The following PRKN variants were observed in gnomAD, a reference collection of about 807,000 sequenced individuals.
PRKN encodes the protein E3 ubiquitin-protein ligase parkin.
A neutral mutation model predicts 59.5 loss-of-function variants in PRKN; 56 were observed. The observed-to-expected ratio is 0.94, with a 90% CI of 0.76 to 1.18. The LOEUF is 1.18. Ranked by LOEUF, PRKN falls within the 50% of genes most tolerant of loss-of-function variation. PRKN has a pLI of 0.00. For synonymous variants in PRKN, 250 were observed against 222.1 expected, an observed-to-expected ratio of 1.13 and a Z score of -1.12; for missense variants, 657 against 596.4, an observed-to-expected ratio of 1.10 and a Z score of -1.06.
rs1554243398 is a variant in PRKN at position 162,556,362 on chromosome 6, T to TGC, written c.8-112890_8-112889insGC. Among the ~76,000 whole-genome samples, 105 of 86,328 alleles carry TGC rather than the reference T, an allele frequency of 1.2e-3. 1 individual carries two copies. The highest frequency in any genetic ancestry group is 3.3e-3 in the African/African-American group (91 of 27,434). 56.6% of individuals were successfully genotyped at this position (86,328 alleles called of 152,430 possible). On this transcript the variant is annotated intron_variant, in intron 1 of 11. Transcript: ENST00000366898. ...CAGCTGGTGTGTGTGTGTGTGTGTG[T>TGC]GTGTGTGTGTGTGTGTGTGTGTGTG... is the stretch of plus-strand genomic sequence containing the variant.
At chr6:162,217,146 A>G (rs1374709583) in intron 3 of PRKN, among the ~76,000 whole-genome samples, 1 of 152,142 alleles carries the variant, frequency 6.6e-6, no homozygotes, top group Non-Finnish European at 1.5e-5. Flanking sequence ...ATATCAGAAA[A>G]ACTGTAAAAA....
intron 7 of PRKN, among the ~76,000 whole-genome samples, chr6:161,676,769 T>C (rs1284683704): frequency 6.6e-6 from 1 of 152,162 alleles, no homozygotes. Flanking sequence ...TCTGGTTTCA[T>C]GTAGGGTGCT....
chr6:162,471,672 T>G (rs1424767703), intron 1 of PRKN, among the ~76,000 whole-genome samples: 1 of 152,222 alleles, frequency 6.6e-6, no homozygotes, highest in Non-Finnish European at 1.5e-5. Context: ...TGTTCATTAT[T>G]AGAATTCATA....
Position 161,414,872 on chromosome 6 carries a change from ACTCT to A in PRKN, c.1084-27999_1084-27996del, listed in dbSNP as rs1047325110. On this transcript the variant is annotated intron_variant, in intron 9 of 11. Coordinates refer to ENST00000366898, the MANE Select transcript of PRKN (RefSeq NM_004562.3). This position sits in a 1 kb window ranked among gnomAD's most constrained non-coding sequence, Gnocchi z 5.3. ...TAAGAGGCTTCCGTTTCAAATACAA[ACTCT>A]CTCATCAGTCACAGGAAATTAAATG... is the stretch of plus-strand genomic sequence containing the variant. Among the ~76,000 whole-genome samples the A allele has an allele frequency of 1.6e-4, 25 of 152,168 alleles. No individual in the cohort carries two copies. Among genetic ancestry groups the A allele is most frequent in the African/African-American group, 6.0e-4 (25 of 41,516 alleles).
intron 1 of PRKN, among the ~76,000 whole-genome samples, chr6:162,545,320 C>G (rs1052855788): frequency 6.6e-6 from 1 of 151,988 alleles, no homozygotes; most frequent in African/African-American, 2.4e-5. Context: ...TAAAAAATAT[C>G]TGAATTGTCC....
chr6:161,729,410 A>T (rs1205558434), intron 7 of PRKN, among the ~76,000 whole-genome samples: 2 of 152,194 alleles, frequency 1.3e-5, no homozygotes, highest in Admixed American at 6.5e-5. Flanking sequence ...GTAAAGTAAC[A>T]GTTAAGTCAA....
intron 7 of PRKN, among the ~76,000 whole-genome samples, chr6:161,680,769 A>ATTTTTTTT (rs1281842827): frequency 1.5e-4 from 2 of 13,058 alleles, no homozygotes; most frequent in African/African-American, 4.0e-4. Flanking sequence ...ATATATATAT[A>ATTTTTTTT]TATATATTTT....
chr6:161,625,955 T>C (rs928439700), intron 7 of PRKN, among the ~76,000 whole-genome samples: 11 of 152,144 alleles, frequency 7.2e-5, no homozygotes, highest in Non-Finnish European at 1.5e-5. Context: ...GTATAAGAAG[T>C]TGGTTTCATT....
chr6:162,054,691 G>A (rs1055414798), intron 4 of PRKN, among the ~76,000 whole-genome samples: 38 of 152,236 alleles, frequency 2.5e-4, no homozygotes, highest in South Asian at 2.1e-4. Context: ...GAGGGGGTGC[G>A]CAGCAAGCTT....
At chr6:162,232,529 C>A (rs762011332) in intron 3 of PRKN, among the ~76,000 whole-genome samples, 3 of 152,146 alleles carry the variant, frequency 2.0e-5, no homozygotes, top group African/African-American at 4.8e-5. Context: ...ATTGCTTTTC[C>A]TTTCACTTTT....
intron 1 of PRKN, among the ~76,000 whole-genome samples, chr6:162,579,944 C>A (rs1372107765): frequency 6.6e-6 from 1 of 152,180 alleles, no homozygotes; most frequent in Non-Finnish European, 1.5e-5. Flanking sequence ...ACAACACATT[C>A]CCCACAAGAG....
Position 161,445,513 on chromosome 6 carries a change from A to G in PRKN, c.1084-58636T>C, listed in dbSNP as rs73785919. On this transcript the variant is annotated intron_variant, in intron 9 of 11. Transcript: ENST00000366898. The surrounding 1 kb of genome is among the most constrained non-coding windows in gnomAD (Gnocchi z 7.7). ...CTTTCTCCAAGCTTGAAGGAAGATG[A>G]CTGTGACTCTTTTCCTGGACTTCAA... Among the ~76,000 whole-genome samples, 1 of 152,172 alleles carries G rather than the reference A, an allele frequency of 6.6e-6. No individual in the cohort carries two copies. Among genetic ancestry groups the G allele is most frequent in the African/African-American group, 2.4e-5 (1 of 41,444 alleles).
intron 7 of PRKN, among the ~76,000 whole-genome samples, chr6:161,676,919 A>G (rs1465680884): frequency 2.0e-5 from 3 of 152,224 alleles, no homozygotes; most frequent in Non-Finnish European, 4.4e-5. Flanking sequence ...TAGTAGTTTA[A>G]GTAGCTTTGT....
At chr6:162,491,343 C>T (rs1792806464) in intron 1 of PRKN, among the ~76,000 whole-genome samples, 2 of 151,736 alleles carry the variant, frequency 1.3e-5, no homozygotes, top group Admixed American at 1.3e-4. Flanking sequence ...CAACAAATTG[C>T]TCAGCATAAG....
At chr6:162,362,216 T>A (rs1785177866) in intron 2 of PRKN, among the ~76,000 whole-genome samples, 1 of 152,224 alleles carries the variant, frequency 6.6e-6, no homozygotes, top group Admixed American at 6.5e-5. Context: ...TTGACTCAAG[T>A]CTTCATTTAA....
At chr6:162,651,344 C>T (rs981968685) in intron 1 of PRKN, among the ~76,000 whole-genome samples, 1 of 152,180 alleles carries the variant, frequency 6.6e-6, no homozygotes, top group African/African-American at 2.4e-5. Flanking sequence ...CACACCGTAA[C>T]ACACTTACGT....
chr6:161,788,182 C>A (rs538597278), intron 6 of PRKN, among the ~76,000 whole-genome samples: 3 of 152,222 alleles, frequency 2.0e-5, no homozygotes, highest in Admixed American at 6.5e-5. Context: ...TAATATGATC[C>A]CAAATGACTC....
rs1786356992 is a variant in PRKN, at chr6:161,388,309, A to G, written c.1084-1432T>C. On this transcript the variant is annotated intron_variant, in intron 9 of 11. Transcript: ENST00000366898. This position sits in a 1 kb window ranked among gnomAD's most constrained non-coding sequence, Gnocchi z 4.3. ...CATGCTGAGTGGCTACAATCACAGC[A>G]TACAATGTGTTCTAAACTTTAAGGA... is the stretch of plus-strand genomic sequence containing the variant. Among the ~76,000 whole-genome samples, 1 of 152,246 alleles carries G rather than the reference A, an allele frequency of 6.6e-6. No individual in the cohort carries two copies. The highest frequency in any genetic ancestry group is 1.5e-5 in the Non-Finnish European group (1 of 68,050).
At chr6:162,627,812 A>G (rs1397570711) in intron 1 of PRKN, among the ~76,000 whole-genome samples, 1 of 152,186 alleles carries the variant, frequency 6.6e-6, no homozygotes, top group Non-Finnish European at 1.5e-5. Context: ...GCAGTTTTGA[A>G]TACTAGGAGA....
Sources: gnomAD v4.1 joint callset for allele counts (sites outside exome capture counted in the v4.1 genomes callset) on GRCh38, gnomAD v4.1.1 for gene constraint, Gnocchi (gnomAD v3.1) non-coding constraint, MANE v1.5 for transcripts, NCBI Gene and HGNC (gene_info 2026-07-23, HGNC 2026-07-21) for gene names.